The following GATAD2A variants were observed in gnomAD, a reference collection of about 807,000 sequenced individuals.
The protein encoded by GATAD2A is transcriptional repressor p66-alpha.
GATAD2A carries 12 observed loss-of-function variants against 68.5 expected under a neutral mutation model. The observed-to-expected ratio is 0.18, with a 90% CI of 0.11 to 0.28. The LOEUF (loss-of-function observed/expected upper bound fraction) is 0.28, where lower values mean the gene tolerates loss of function less well. GATAD2A is among the 10% of genes least tolerant of loss of function. GATAD2A has a pLI of 1.00. For missense variants in GATAD2A, 755 were observed against 868.5 expected (o/e 0.87, Z 1.64); for synonymous variants, 410 against 375.3 (o/e 1.09, Z -1.07).
chr19:19,443,955 T>G (rs894447856), intron 1 of GATAD2A, among the ~76,000 whole-genome samples: 3 of 152,014 alleles, frequency 2.0e-5, no homozygotes, highest in African/African-American at 7.2e-5. Flanking sequence ...TCTTACACAC[T>G]CTTATTTTCT....
chr19:19,431,858 A>G (rs1481434927), intron 1 of GATAD2A, among the ~76,000 whole-genome samples: 1 of 151,470 alleles, frequency 6.6e-6, no homozygotes, highest in Non-Finnish European at 1.5e-5. Flanking sequence ...TGTTGTGTGG[A>G]GTGTGGGAGG....
chr19:19,503,606 G>A (rs920490230), intron 11 of GATAD2A, among the ~76,000 whole-genome samples: 1 of 152,074 alleles, frequency 6.6e-6, no homozygotes, highest in Non-Finnish European at 1.5e-5. Context: ...GTCGATAAGT[G>A]TGTGCATGTG....
chr19:19,462,058 T>C (rs996479230), intron 1 of GATAD2A, among the ~76,000 whole-genome samples: 1 of 152,240 alleles, frequency 6.6e-6, no homozygotes, highest in Non-Finnish European at 1.5e-5. Context: ...GAATCCTCAT[T>C]TGCCAGTCAG....
chr19:19,448,338 G>A (rs1340618116), intron 1 of GATAD2A, among the ~76,000 whole-genome samples: 2 of 152,254 alleles, frequency 1.3e-5, no homozygotes, highest in African/African-American at 4.8e-5. Context: ...TTGGGCACAG[G>A]CCCTGGCCAA....
chr19:19,482,156 C>T (rs982741157), intron 2 of GATAD2A, among the ~76,000 whole-genome samples: 2 of 152,136 alleles, frequency 1.3e-5, no homozygotes, highest in Non-Finnish European at 2.9e-5. Flanking sequence ...TGTATCTCAG[C>T]ACTTTGGGAG....
At chr19:19,418,824 T>C (rs2051974458) in intron 1 of GATAD2A, among the ~76,000 whole-genome samples, 1 of 151,666 alleles carries the variant, frequency 6.6e-6, no homozygotes, top group African/African-American at 2.4e-5. Flanking sequence ...GTTTTGAGAG[T>C]GGGGAGGGGT....
At chr19:19,470,752 CA>C (rs144396337) in intron 2 of GATAD2A, among the ~76,000 whole-genome samples, 17 of 144,760 alleles carry the variant, frequency 1.2e-4, no homozygotes, top group African/African-American at 2.8e-4. Context: ...CTGTAAAAAA[CA>C]AAAAAAAAAG....
At chr19:19,437,480 A>G (rs559754678) in intron 1 of GATAD2A, among the ~76,000 whole-genome samples, 23 of 152,304 alleles carry the variant, frequency 1.5e-4, no homozygotes, top group African/African-American at 5.1e-4. Context: ...GAAGTGTGCA[A>G]TTCAGTTTTT....
intron 1 of GATAD2A, among the ~76,000 whole-genome samples, chr19:19,411,463 T>C (rs192720047): frequency 1.3e-5 from 2 of 152,174 alleles, no homozygotes; most frequent in Admixed American, 6.5e-5. Context: ...TGTCACTGAG[T>C]GGACTCTGGG....
intron 2 of GATAD2A, among the ~76,000 whole-genome samples, chr19:19,488,059 C>T (rs886218471): frequency 6.6e-6 from 1 of 152,218 alleles, no homozygotes; most frequent in African/African-American, 2.4e-5. Flanking sequence ...CCCTAACTTC[C>T]CTAGTGTGTG....
chr19:19,466,427 C>T (rs577424971), intron 2 of GATAD2A, among the ~76,000 whole-genome samples: 11 of 152,264 alleles, frequency 7.2e-5, no homozygotes, highest in Admixed American at 4.6e-4. Context: ...CTCTGTGGCC[C>T]GTTGCTCTCT....
At chr19:19,459,277 A>G (rs2057209596) in intron 1 of GATAD2A, among the ~76,000 whole-genome samples, 1 of 150,550 alleles carries the variant, frequency 6.6e-6, no homozygotes, top group South Asian at 2.1e-4. Flanking sequence ...TTAATAATCT[A>G]CTCTTCAGAG....
chr19:19,400,348 C>T (rs943024333), intron 1 of GATAD2A, among the ~76,000 whole-genome samples: 5 of 152,144 alleles, frequency 3.3e-5, no homozygotes, highest in Non-Finnish European at 7.3e-5. Flanking sequence ...CTGAGTGTAA[C>T]GAATTGTGGT....
At chr19:19,455,719 G>A (rs1891393094) in intron 1 of GATAD2A, among the ~76,000 whole-genome samples, 2 of 152,130 alleles carry the variant, frequency 1.3e-5, no homozygotes, top group South Asian at 2.1e-4. Context: ...GGGAATTTTG[G>A]CATCCCGGGA....
chr19:19,456,735 A>C lies in GATAD2A; in HGVS notation c.-6-8605A>C, dbSNP rs190383356. 8.5e-4 allele frequency among the ~76,000 whole-genome samples: 130 copies of C among 152,142 alleles called. 3 individuals carry two copies. The highest frequency in any genetic ancestry group is 7.7e-3 in the Admixed American group (118 of 15,290). ...CGTAATCACTTAATATCTCATCTGG[A>C]CCTCTTGGTGTGAGAGGGCAAGGTC... On this transcript the variant is annotated intron_variant, in intron 1 of 11. Transcript: ENST00000683918.
intron 2 of GATAD2A, chr19:19,474,045 C>T: frequency 6.1e-6 from 6 of 985,204 alleles, no homozygotes; most frequent in Non-Finnish European, 7.2e-6. Flanking sequence ...ATCCAGCCAC[C>T]CAGTTGTCCA....
At chr19:19,446,794 A>G (rs996113613) in intron 1 of GATAD2A, among the ~76,000 whole-genome samples, 1 of 152,186 alleles carries the variant, frequency 6.6e-6, no homozygotes, top group African/African-American at 2.4e-5. Context: ...CTTGGCCTCA[A>G]GCGATCCTCC....
intron 11 of GATAD2A, among the ~76,000 whole-genome samples, chr19:19,502,812 C>T (rs908297022): frequency 1.6e-4 from 25 of 152,378 alleles, no homozygotes; most frequent in African/African-American, 4.8e-4. Context: ...CCCCCACAGC[C>T]ATCCATGTGG....
chr19:19,422,933 G>A lies in GATAD2A; in HGVS notation c.-7+16914G>A, dbSNP rs773341739. Reference sequence around the variant, plus strand: ...TCACCGTTTTAGCCAGGATGGTCTCGATCTCCTGAACTCATGATCTGCCCG... The same window carrying A: ...TCACCGTTTTAGCCAGGATGGTCTCAATCTCCTGAACTCATGATCTGCCCG... On this transcript the variant is annotated intron_variant, in intron 1 of 11. Coordinates refer to ENST00000683918, the MANE Select transcript of GATAD2A (RefSeq NM_001384528.1). 3.3e-5 allele frequency among the ~76,000 whole-genome samples: 5 copies of A among 151,930 alleles called. No homozygotes were observed. In the South Asian group the frequency reaches 8.3e-4, roughly 25 times the overall value.
Sources: gnomAD v4.1 joint callset for allele counts (sites outside exome capture counted in the v4.1 genomes callset) on GRCh38, gnomAD v4.1.1 for gene constraint, MANE v1.5 for transcripts, NCBI Gene and HGNC (gene_info 2026-07-23, HGNC 2026-07-21) for gene names.